Variants in NPHP4 observed in about 807,000 individuals in gnomAD.
NPHP4 encodes the protein nephrocystin 4.
In NPHP4, 151 loss-of-function variants were observed where a neutral mutation model predicts 155.8. That is an observed-to-expected ratio of 0.97 (90% confidence interval 0.85 to 1.11). The LOEUF (loss-of-function observed/expected upper bound fraction) is 1.11. Ranked by LOEUF, NPHP4 falls within the 50% of genes least tolerant of loss-of-function variation. The pLI, the probability that NPHP4 is intolerant of heterozygous loss-of-function variation, is 0.00. For synonymous variants in NPHP4, 845 were observed against 816.8 expected (o/e 1.03, Z -0.59); for missense variants, 1,956 against 1,925.7 (o/e 1.02, Z -0.29).
At chr1:5,973,491 G>A (rs1045370407) in intron 3 of NPHP4, among the ~76,000 whole-genome samples, 1 of 152,216 alleles carries the variant, frequency 6.6e-6, no homozygotes, top group South Asian at 2.1e-4. Context: ...GGAGGCTGAG[G>A]AGGGAGGATC....
chr1:5,969,156 C>T lies in NPHP4; in HGVS notation c.383G>A (p.Cys128Tyr). 6.4e-7 allele frequency: 1 copy of T among 1,556,566 alleles called. No individual in the cohort carries two copies. The highest frequency in any genetic ancestry group is 8.7e-7 in the Non-Finnish European group (1 of 1,149,558). The part of the protein sequence containing the change: ...KRDGSLQTLS[C>Y]GFGILRIFSN... ...GAAGATCCGAAGAATTCCAAACCCA[C>T]AGGACAATGTCTGGAGGCTCCCATC... The change falls in exon 4 of 30, where the codon TGT (cysteine) becomes TAT (tyrosine). Residue 128 changes from cysteine to tyrosine, a missense_variant. Cys to Tyr is a radical substitution (Grantham distance 194). Coordinates refer to ENST00000378156, the MANE Select transcript of NPHP4 (RefSeq NM_015102.5).
intron 9 of NPHP4, among the ~76,000 whole-genome samples, chr1:5,935,450 T>C (rs1009437545): frequency 2.6e-5 from 4 of 152,254 alleles, no homozygotes; most frequent in African/African-American, 9.6e-5. Flanking sequence ...AGCCACACTT[T>C]CAACATTTGC....
At chr1:5,988,656 T>A (rs1306411075) in intron 1 of NPHP4, among the ~76,000 whole-genome samples, 2 of 152,174 alleles carry the variant, frequency 1.3e-5, no homozygotes, top group Non-Finnish European at 2.9e-5. Context: ...ACCAAAAAGT[T>A]TGAGAAGGGT....
intron 19 of NPHP4, among the ~76,000 whole-genome samples, chr1:5,878,771 G>A (rs1642885720): frequency 6.6e-6 from 1 of 152,172 alleles, no homozygotes; most frequent in Non-Finnish European, 1.5e-5. Context: ...TGCTGCGCCT[G>A]GAGGCAGGGT....
At chr1:5,962,299 C>T (rs1650475454) in intron 5 of NPHP4, among the ~76,000 whole-genome samples, 1 of 152,176 alleles carries the variant, frequency 6.6e-6, no homozygotes, top group Non-Finnish European at 1.5e-5. Context: ...CCCACCTTGG[C>T]CTCCCAAAGT....
chr1:5,961,207 C>G (rs1294027411), intron 6 of NPHP4, among the ~76,000 whole-genome samples: 1 of 152,120 alleles, frequency 6.6e-6, no homozygotes, highest in Non-Finnish European at 1.5e-5. Flanking sequence ...TCACTGAAAC[C>G]ATGAAGACAG....
intron 5 of NPHP4, among the ~76,000 whole-genome samples, chr1:5,966,628 C>T (rs1463628152): frequency 5.3e-5 from 8 of 152,104 alleles, no homozygotes; most frequent in Non-Finnish European, 1.0e-4. Context: ...CTCGAAGAGA[C>T]AGAAAAGTCA....
In NPHP4 at chr1:5,865,285, TG is replaced by T. The variant is rs1352183173; in HGVS notation, c.3645-13del. 1 of 1,533,552 alleles carries T rather than the reference TG, an allele frequency of 6.5e-7. No individual in the cohort carries two copies. 95.0% of individuals were successfully genotyped at this position (1,533,552 alleles called of 1,614,324 possible). A position where few individuals can be genotyped will look rare whatever the true frequency, so the allele number is the denominator to read the frequency against. ...CCAGCCAGCGATCCCTGCAGTGGGA[TG>T]GGAGCCATCTGCACTTGTCCCGGAG... On this transcript the variant is annotated splice_polypyrimidine_tract_variant and intron_variant, in intron 26 of 29. Transcript: ENST00000378156.
chr1:5,935,267 G>A (rs1646479113), intron 9 of NPHP4, among the ~76,000 whole-genome samples: 1 of 152,168 alleles, frequency 6.6e-6, no homozygotes. Context: ...CACTTCTGCA[G>A]AGCCCTTTGC....
In NPHP4 at chr1:5,887,632, G is replaced by A. The variant is rs543064423; in HGVS notation, c.2305-166C>T. 1.2e-3 allele frequency among the ~76,000 whole-genome samples: 179 copies of A among 152,300 alleles called. 1 individual carries two copies. Among genetic ancestry groups the A allele is most frequent in the Non-Finnish European group, 1.6e-3 (110 of 68,026 alleles). On this transcript the variant is annotated intron_variant, in intron 17 of 29. Transcript: ENST00000378156. The stretch of plus-strand genomic sequence containing the variant: ...CCACGCTGGGGGGTGAGGGGGCGGC[G>A]AGCCAGGCGCCAACGTCTTAAAGCA...
chr1:5,872,869 C>T (rs1333361408), intron 23 of NPHP4, among the ~76,000 whole-genome samples: 3 of 152,198 alleles, frequency 2.0e-5, no homozygotes, highest in African/African-American at 7.2e-5. Context: ...AGGGACGTAA[C>T]CAAGGACTAC....
Position 5,947,208 on chromosome 1 carries a change from A to G in NPHP4, c.1015T>C (p.Leu339=). 7.4e-6 allele frequency: 12 copies of G among 1,613,848 alleles called. No homozygotes were observed. The highest frequency in any genetic ancestry group is 1.0e-5 in the Non-Finnish European group (12 of 1,179,820). ...KTSSGSQALV[L]RSRLRLPEMV... is the part of the protein sequence containing the mutation. ...TCTGGGAGGCGGAGGCGGCTTCTCA[A>G]AACCAGAGCTTGGCTCCCGGAGCTG... Residue 339 remains leucine, a synonymous_variant, in exon 9 of 30, where the codon TTG becomes CTG. Coordinates refer to ENST00000378156, the MANE Select transcript of NPHP4 (RefSeq NM_015102.5).
intron 17 of NPHP4, chr1:5,888,485 G>A: frequency 8.0e-7 from 1 of 1,250,822 alleles, no homozygotes. Context: ...TGGGTCTGGG[G>A]GCTTCCGGTC....
At chr1:5,880,027 G>T in intron 19 of NPHP4, 87 bp downstream of exon 19, 1 of 1,428,860 alleles carries the variant, frequency 7.0e-7, no homozygotes, top group Non-Finnish European at 9.7e-7. Flanking sequence ...ATGCACACAC[G>T]CATGCACACA....
At position 5,940,561 on chromosome 1, in the gene NPHP4, A is replaced by T. The variant is rs567820389; in HGVS notation, c.1119+6543T>A. The stretch of plus-strand genomic sequence containing the variant: ...AAATACAAAGCTTAATTTTAAAGAC[A>T]GCATGCGGTATATAATAAGAGCTAC... On this transcript the variant is annotated intron_variant, in intron 9 of 29. Transcript: ENST00000378156. 2.6e-5 allele frequency among the ~76,000 whole-genome samples: 4 copies of T among 152,356 alleles called. No homozygotes were observed. In the East Asian group the frequency reaches 7.7e-4, roughly 29 times the overall value.
intron 3 of NPHP4, among the ~76,000 whole-genome samples, chr1:5,978,005 G>A (rs1371438045): frequency 1.3e-5 from 2 of 150,656 alleles, no homozygotes; most frequent in Non-Finnish European, 3.0e-5. Context: ...ATTCCTTGAA[G>A]GTGACAAGAC....
chr1:5,937,656 C>A (rs1002738330), intron 9 of NPHP4, among the ~76,000 whole-genome samples: 1 of 152,164 alleles, frequency 6.6e-6, no homozygotes, highest in African/African-American at 2.4e-5. Context: ...CGCACTCACG[C>A]TCCACTGTCT....
chr1:5,976,381 C>T (rs925014924), intron 3 of NPHP4, among the ~76,000 whole-genome samples: 2 of 152,180 alleles, frequency 1.3e-5, no homozygotes, highest in Non-Finnish European at 2.9e-5. Flanking sequence ...CTTCACCACC[C>T]GCCGCATGGC....
rs1644883909 is a variant in NPHP4, at chr1:5,905,726, A to G, written c.1669T>C (p.Ser557Pro). 5 of 1,613,440 alleles carry G rather than the reference A, an allele frequency of 3.1e-6. No individual in the cohort carries two copies. The African/African-American group carries it at 6.7e-5, about 22-fold the overall frequency. The change falls in exon 14 of 30, where the codon TCC becomes CCC. Residue 557 changes from serine to proline, a missense_variant. Transcript: ENST00000378156. The surrounding 1 kb of genome is among the most constrained non-coding windows in gnomAD (Gnocchi z 4.0). ...SHLEADLSQT[S>P]LVLETSIAEQ... ...GCAATGGATGTTTCCAGGACCAGGGAGGTCTGGCTCAGGTCGGCTTCCAGG... is the reference window on the plus strand; with the variant it reads ...GCAATGGATGTTTCCAGGACCAGGGGGGTCTGGCTCAGGTCGGCTTCCAGG...
Sources: allele counts gnomAD v4.1 joint callset (sites outside exome capture counted in the v4.1 genomes callset), GRCh38; gene constraint gnomAD v4.1.1; non-coding constraint Gnocchi (gnomAD v3.1); transcripts MANE v1.5; gene names NCBI Gene and HGNC (gene_info 2026-07-23, HGNC 2026-07-21).